LY96: variants seen among roughly 807,000 people sequenced by gnomAD.
The protein encoded by LY96 is myeloid differentiation protein-2.
A neutral mutation model predicts 18.9 loss-of-function variants in LY96; 18 were observed. The ratio of observed to expected loss-of-function variants is 0.95; its 90% CI spans 0.66 to 1.41. The LOEUF (loss-of-function observed/expected upper bound fraction) is 1.41. Among genes scored for constraint, LY96 ranks in the 40% most tolerant of loss-of-function variants. The pLI is 0.00. For synonymous variants in LY96, 66 were observed against 62.6 expected (o/e 1.06, Z -0.26); for missense variants, 175 against 182.4 (o/e 0.96, Z 0.23).
At chr8:74,025,307 G>A (rs1388121748) in intron 3 of LY96, among the ~76,000 whole-genome samples, 1 of 152,172 alleles carries the variant, frequency 6.6e-6, no homozygotes, top group Non-Finnish European at 1.5e-5. Flanking sequence ...AGATTATGAA[G>A]ACATGATCAC....
the LY96 span, among the ~76,000 whole-genome samples, chr8:74,084,809 T>C: frequency 6.6e-6 from 1 of 152,128 alleles, no homozygotes; most frequent in Non-Finnish European, 1.5e-5. Context: ...GAGATGGGGT[T>C]TCACCATGTT....
At chr8:74,050,219 T>C in the LY96 span, among the ~76,000 whole-genome samples, 1 of 151,980 alleles carries the variant, frequency 6.6e-6, no homozygotes, top group East Asian at 1.9e-4. Flanking sequence ...GATGGGCACC[T>C]GTAATCCCGG....
chr8:74,003,840 A>G (rs1816351743), intron 1 of LY96, among the ~76,000 whole-genome samples: 1 of 151,984 alleles, frequency 6.6e-6, no homozygotes, highest in African/African-American at 2.4e-5. Context: ...TTCTCTTTTT[A>G]ATTTTCTTTT....
chr8:74,080,186 G>A, the LY96 span, among the ~76,000 whole-genome samples: 2 of 152,194 alleles, frequency 1.3e-5, no homozygotes, highest in East Asian at 1.9e-4. Flanking sequence ...TTCCCAAGCA[G>A]CAGTGCCCAC....
At chr8:74,007,862 C>T (rs868641779) in intron 2 of LY96, among the ~76,000 whole-genome samples, 10 of 152,278 alleles carry the variant, frequency 6.6e-5, no homozygotes, top group Admixed American at 1.3e-4. Context: ...TGGGTTCCAA[C>T]GATTCTCCTG....
chr8:74,002,103 C>T lies in LY96; in HGVS notation c.113-2693C>T, dbSNP rs71500513. 2.1e-3 allele frequency among the ~76,000 whole-genome samples: 172 copies of T among 81,692 alleles called. 25 individuals are homozygous for T. Among genetic ancestry groups the T allele is most frequent in the African/African-American group, 3.4e-3 (77 of 22,560 alleles). The allele number at this position is 81,692 out of a possible 152,430, so 53.6% of individuals were successfully genotyped here. On this transcript the variant is annotated intron_variant, in intron 1 of 4. Transcript: ENST00000284818. ...TCTTTCTTTCTTTCTTTCTCTCTCTCTCTCTCTCTCTCTCTCTCTCTCTCT... is the reference window on the plus strand; with the variant it reads ...TCTTTCTTTCTTTCTTTCTCTCTCTTTCTCTCTCTCTCTCTCTCTCTCTCT...
chr8:74,077,997 A>G, the LY96 span, among the ~76,000 whole-genome samples: 3 of 152,056 alleles, frequency 2.0e-5, no homozygotes, highest in Non-Finnish European at 4.4e-5. Flanking sequence ...AGCCTCAGCT[A>G]CTTAGGAGGC....
Position 74,024,788 on chromosome 8 carries a change from A to T in LY96, c.332-2001A>T, listed in dbSNP as rs139640674. Among the ~76,000 whole-genome samples the T allele has an allele frequency of 2.0e-5, 3 of 152,156 alleles. No individual in the cohort carries two copies. The East Asian group carries it at 5.8e-4, about 29-fold the overall frequency. On this transcript the variant is annotated intron_variant, in intron 3 of 4. Transcript: ENST00000284818. Reference sequence around the variant, plus strand: ...TGGAATGGTTTCTTCTTATCATTTTAGGGGTCTTTTTTTGGTTTTTAAAAA... The same window carrying T: ...TGGAATGGTTTCTTCTTATCATTTTTGGGGTCTTTTTTTGGTTTTTAAAAA...
chr8:74,052,302 T>C, the LY96 span: 1 of 152,186 alleles, frequency 6.6e-6, no homozygotes, highest in African/African-American at 2.4e-5. Flanking sequence ...CGTCACAGTT[T>C]CAGTTAGGGT....
At chr8:74,016,854 C>G (rs773399660) in intron 3 of LY96, among the ~76,000 whole-genome samples, 47 of 152,100 alleles carry the variant, frequency 3.1e-4, no homozygotes, top group African/African-American at 1.1e-3. Flanking sequence ...AGGAAGAGCA[C>G]CAACATCAAC....
intron 2 of LY96, among the ~76,000 whole-genome samples, chr8:74,008,484 C>A (rs188220385): frequency 2.8e-4 from 43 of 152,266 alleles, no homozygotes; most frequent in African/African-American, 9.9e-4. Flanking sequence ...TTCTCCACAC[C>A]CTACCCTGAA....
At chr8:74,010,517 T>G (rs1816508114) in intron 3 of LY96, among the ~76,000 whole-genome samples, 1 of 152,096 alleles carries the variant, frequency 6.6e-6, no homozygotes, top group Admixed American at 6.6e-5. Flanking sequence ...AAAAAAGGAA[T>G]TACCACTTTA....
the LY96 span, among the ~76,000 whole-genome samples, chr8:74,060,546 T>G: frequency 1.3e-5 from 2 of 152,202 alleles, no homozygotes; most frequent in Non-Finnish European, 2.9e-5. Context: ...CACTTTTGAG[T>G]CTCAGCTTCT....
the LY96 span, among the ~76,000 whole-genome samples, chr8:74,064,884 T>C: frequency 2.6e-5 from 4 of 152,338 alleles, no homozygotes; most frequent in East Asian, 5.8e-4. Flanking sequence ...ATATTGTACA[T>C]TGTACACTCT....
At chr8:74,009,807 G>T (rs1319854243) in intron 2 of LY96, among the ~76,000 whole-genome samples, 194 bp from the exon 3 acceptor site, 1 of 152,166 alleles carries the variant, frequency 6.6e-6, no homozygotes, top group Non-Finnish European at 1.5e-5. Context: ...TGATTTACTA[G>T]TTGCCCTCTC....
intron 1 of LY96, among the ~76,000 whole-genome samples, chr8:73,996,353 C>T (rs919397495): frequency 7.8e-6 from 1 of 128,526 alleles, no homozygotes; most frequent in Non-Finnish European, 1.7e-5. Flanking sequence ...TCCTTCCTTC[C>T]TTCCTTCCTT....
the LY96 span, among the ~76,000 whole-genome samples, chr8:74,054,816 G>A: frequency 4.0e-3 from 595 of 150,280 alleles, 5 homozygotes; most frequent in African/African-American, 0.012. Flanking sequence ...GGCATGTGCC[G>A]CCATGCCCAG....
At chr8:74,088,143 T>TAGAATAGAAA in the LY96 span, among the ~76,000 whole-genome samples, 60 of 139,160 alleles carry the variant, frequency 4.3e-4, no homozygotes, top group African/African-American at 1.5e-3. Context: ...TAGAATAGAA[T>TAGAATAGAAA]AGAATAGAAA....
chr8:74,011,489 CA>C (rs1816530251), intron 3 of LY96, among the ~76,000 whole-genome samples: 2 of 152,162 alleles, frequency 1.3e-5, no homozygotes, highest in African/African-American at 4.8e-5. Flanking sequence ...ATTCATCCAA[CA>C]GGGGACTAAT....
Sources: allele counts gnomAD v4.1 joint callset (sites outside exome capture counted in the v4.1 genomes callset), GRCh38; gene constraint gnomAD v4.1.1; transcripts MANE v1.5; gene names NCBI Gene and HGNC (gene_info 2026-07-23, HGNC 2026-07-21).